DDRGK1: variants seen among roughly 807,000 people sequenced by gnomAD.
The protein encoded by DDRGK1 is DDRGK domain containing 1, also known as DDRGK domain-containing protein 1.
DDRGK1 carries 38 observed loss-of-function variants against 45.8 expected under a neutral mutation model. The observed-to-expected ratio is 0.83, with a 90% CI of 0.64 to 1.09. The LOEUF is 1.09. Ranked by LOEUF, DDRGK1 falls within the 50% of genes least tolerant of loss-of-function variation. The pLI is 0.00. For missense variants in DDRGK1, 403 were observed against 419.9 expected, an observed-to-expected ratio of 0.96 and a Z score of 0.35; for synonymous variants, 171 against 168.7, an observed-to-expected ratio of 1.01 and a Z score of -0.11.
intron 1 of DDRGK1, 93 bp from the exon 2 acceptor site, chr20:3,203,509 T>C (rs1274266700): frequency 1.4e-6 from 2 of 1,413,578 alleles, no homozygotes; most frequent in Non-Finnish European, 1.9e-6. Flanking sequence ...CCTCCTCTGC[T>C]TAGCGGCCTG....
rs1232306189 is a variant in DDRGK1 at position 3,194,842 on chromosome 20, G to C, written c.660C>G (p.Ile220Met). ...EQSQSFLTEF[I>M]NYIKQSKVVL... is the part of the protein sequence containing the mutation. ...AGTGGCTTCTTACCTTGATGTAGTT[G>C]ATGAACTCTGTCAGGAAGCTCTGGG... is the stretch of plus-strand genomic sequence containing the variant. Residue 220 changes from isoleucine to methionine, a missense_variant, in exon 6 of 9, where the codon ATC becomes ATG. Coordinates refer to ENST00000354488, the MANE Select transcript of DDRGK1 (RefSeq NM_023935.3). The C allele has an allele frequency of 1.2e-6, 2 of 1,614,138 alleles. No individual in the cohort carries two copies. Among genetic ancestry groups the C allele is most frequent in the Non-Finnish European group, 1.7e-6 (2 of 1,180,012 alleles).
rs577662881 is a variant in DDRGK1, at chr20:3,196,496, T to A, written c.511-1143A>T. Among the ~76,000 whole-genome samples, 617 of 141,804 alleles carry A rather than the reference T, an allele frequency of 4.4e-3. 5 individuals carry two copies. Among genetic ancestry groups the A allele is most frequent in the African/African-American group, 0.015 (561 of 37,586 alleles). The allele number at this position is 141,804 out of a possible 152,430, so 93.0% of individuals were successfully genotyped here. A position where few individuals can be genotyped will look rare whatever the true frequency, so the allele number is the denominator to read the frequency against. On this transcript the variant is annotated intron_variant, in intron 4 of 8. Coordinates refer to ENST00000354488, the MANE Select transcript of DDRGK1 (RefSeq NM_023935.3). The stretch of plus-strand genomic sequence containing the variant: ...ATCGAGACCATCCTGGCTAACACGG[T>A]GAAACCCTGTCTCCACTAAAAATAC...
chr20:3,196,486 G>A (rs891037031), intron 4 of DDRGK1, among the ~76,000 whole-genome samples: 4 of 149,964 alleles, frequency 2.7e-5, no homozygotes, highest in Admixed American at 1.3e-4. Context: ...GACCATCCTG[G>A]CTAACACGGT....
At chr20:3,195,647 T>C (rs561386175) in intron 4 of DDRGK1, among the ~76,000 whole-genome samples, 2 of 152,130 alleles carry the variant, frequency 1.3e-5, no homozygotes, top group East Asian at 3.9e-4. Context: ...GACCCCACTC[T>C]ACAATACCCT....
rs1221304417 is a variant in DDRGK1, at chr20:3,204,649, C to T, written c.-22G>A. 20 of 1,559,852 alleles carry T rather than the reference C, an allele frequency of 1.3e-5. No homozygotes were observed. The highest frequency in any genetic ancestry group is 1.6e-5 in the Non-Finnish European group (19 of 1,157,010). ...CCATGACGAGGGCCTCAGTGCAGAA[C>T]CACTGCGTCCACCCTGAGGCCGGGA... On this transcript the variant is annotated 5_prime_UTR_variant, in exon 1 of 9. Coordinates refer to ENST00000354488, the MANE Select transcript of DDRGK1 (RefSeq NM_023935.3).
At chr20:3,194,980 C>A in intron 5 of DDRGK1, 112 bp from the exon 6 acceptor site, 1 of 1,453,500 alleles carries the variant, frequency 6.9e-7, no homozygotes, top group Non-Finnish European at 9.4e-7. Flanking sequence ...TGCAGCCTGC[C>A]TTTGGCCCGC....
At chr20:3,199,719 T>A (rs1333034890) in intron 4 of DDRGK1, among the ~76,000 whole-genome samples, 1 of 152,162 alleles carries the variant, frequency 6.6e-6, no homozygotes, top group Non-Finnish European at 1.5e-5. Context: ...CTTCTCCTCC[T>A]CTCCTGGCTT....
At position 3,204,645 on chromosome 20, in the gene DDRGK1, A is replaced by T; in HGVS notation, c.-18T>A. The T allele has an allele frequency of 6.4e-7, 1 of 1,566,878 alleles. No homozygotes were observed. Among genetic ancestry groups the T allele is most frequent in the Non-Finnish European group, 8.6e-7 (1 of 1,160,566 alleles). On this transcript the variant is annotated 5_prime_UTR_variant, in exon 1 of 9. Transcript: ENST00000354488. ...GCCACCATGACGAGGGCCTCAGTGC[A>T]GAACCACTGCGTCCACCCTGAGGCC... is the stretch of plus-strand genomic sequence containing the variant.
At chr20:3,197,450 G>A (rs550064624) in intron 4 of DDRGK1, among the ~76,000 whole-genome samples, 7 of 152,222 alleles carry the variant, frequency 4.6e-5, no homozygotes, top group East Asian at 1.9e-4. Flanking sequence ...GCAGCCAGGC[G>A]ACCAAGGTTA....
chr20:3,204,551 C>T lies in DDRGK1; in HGVS notation c.77G>A (p.Gly26Asp), dbSNP rs140410446. The T allele has an allele frequency of 6.4e-7, 1 of 1,570,824 alleles. No individual in the cohort carries two copies. Reference sequence around the variant, plus strand: ...GCATCTCCTACCTGATGCCGCCCGGCCCCGGCTGCGAGTCAGGAAGAGGAT... The same window carrying T: ...GCATCTCCTACCTGATGCCGCCCGGTCCCGGCTGCGAGTCAGGAAGAGGAT... ...GFILFLTRSR[G>D]RAASAGQEPL... is the part of the protein sequence containing the mutation. Residue 26 changes from glycine (G) to aspartate (D), a missense_variant, in exon 1 of 9, where the codon GGC (glycine) becomes GAC (aspartate). Gly to Asp is a moderately conservative substitution (Grantham distance 94). Transcript: ENST00000354488.
At chr20:3,194,717 T>A in intron 6 of DDRGK1, 113 bp downstream of exon 6, 2 of 1,398,982 alleles carry the variant, frequency 1.4e-6, no homozygotes, top group Middle Eastern at 2.4e-4. Flanking sequence ...TGGGCCCCCC[T>A]GTCCACTCCT....
At chr20:3,191,710 C>T (rs1600470063) in intron 7 of DDRGK1, 55 bp downstream of exon 7, 2 of 1,553,636 alleles carry the variant, frequency 1.3e-6, no homozygotes, top group Non-Finnish European at 1.7e-6. Context: ...GTCCTCTCTG[C>T]TAGCCACAGA....
chr20:3,196,928 A>T (rs921171489), intron 4 of DDRGK1, among the ~76,000 whole-genome samples: 5 of 151,382 alleles, frequency 3.3e-5, no homozygotes, highest in African/African-American at 9.7e-5. Context: ...ATACAAATAT[A>T]AAAAAAATGG....
chr20:3,204,584 A>C lies in DDRGK1; in HGVS notation c.44T>G (p.Val15Gly), dbSNP rs1254610393. The C allele has an allele frequency of 1.3e-6, 2 of 1,580,376 alleles. No individual in the cohort carries two copies. Among genetic ancestry groups the C allele is most frequent in the Non-Finnish European group, 1.7e-6 (2 of 1,168,836 alleles). ...GCGAGTCAGGAAGAGGATAAAGCCG[A>C]CTAGCAGAGCCGCCGCTACCAAGTA... is the stretch of plus-strand genomic sequence containing the variant. ...VWYLVAAALLVGFILFLTRSR... is the reference protein window; with the variant it reads ...VWYLVAAALLGGFILFLTRSR... Residue 15 changes from valine to glycine, a missense_variant, in exon 1 of 9, where the codon GTC becomes GGC. Physicochemically the swap from Val to Gly is moderately radical, Grantham distance 109 (BLOSUM62 -3). Transcript: ENST00000354488.
At chr20:3,202,182 C>T (rs1256446968) in intron 2 of DDRGK1, among the ~76,000 whole-genome samples, 1 of 151,810 alleles carries the variant, frequency 6.6e-6, no homozygotes, top group Non-Finnish European at 1.5e-5. Context: ...TCTCGATCTC[C>T]TGACCTCGTG....
At chr20:3,200,243 C>G in intron 3 of DDRGK1, 99 bp downstream of exon 3, 1 of 1,459,732 alleles carries the variant, frequency 6.9e-7, no homozygotes, top group Non-Finnish European at 9.3e-7. Context: ...GCAGCAAACA[C>G]CAGCCCAGCA....
Position 3,200,021 on chromosome 20 carries a change from G to A in DDRGK1, c.490C>T (p.Arg164Cys), listed in dbSNP as rs751324528. Residue 164 changes from arginine (R) to cysteine (C), a missense_variant, in exon 4 of 9, where the codon CGC becomes TGC. Transcript: ENST00000354488. ...AEWKKEEERL[R>C]LEEEQKEEEE... ...CTCACCTTCTGCTCCTCCTCCAGGC[G>A]AAGCCGCTCCTCCTCCTTCTTCCAC... is the stretch of plus-strand genomic sequence containing the variant. 23 of 1,613,032 alleles carry A rather than the reference G, an allele frequency of 1.4e-5. No individual in the cohort carries two copies. Among genetic ancestry groups the A allele is most frequent in the South Asian group, 1.3e-4 (12 of 90,912 alleles).
At chr20:3,191,382 G>A (rs2066988689) in intron 7 of DDRGK1, 144 bp from the exon 8 acceptor site, 1 of 926,602 alleles carries the variant, frequency 1.1e-6, no homozygotes, top group East Asian at 2.6e-5. Context: ...GCCTTTGGAA[G>A]GGCCCTGGGT....
chr20:3,193,370 CT>C (rs892985583), intron 6 of DDRGK1, among the ~76,000 whole-genome samples: 5 of 152,114 alleles, frequency 3.3e-5, no homozygotes, highest in African/African-American at 4.8e-5. Context: ...GCTGGAAAAA[CT>C]TTTTTTCTTT....
Sources: gnomAD v4.1 joint callset for allele counts (sites outside exome capture counted in the v4.1 genomes callset) on GRCh38, gnomAD v4.1.1 for gene constraint, MANE v1.5 for transcripts, NCBI Gene and HGNC (gene_info 2026-07-23, HGNC 2026-07-21) for gene names.